The following FHL2 variants were observed in gnomAD, a reference collection of about 807,000 sequenced individuals.
FHL2 encodes the protein four and a half LIM domains protein 2.
In FHL2, 20 loss-of-function variants were observed where a neutral mutation model predicts 32.7. The ratio of observed to expected loss-of-function variants is 0.61; its 90% CI spans 0.43 to 0.89. The LOEUF (loss-of-function observed/expected upper bound fraction) is 0.89, where lower values mean the gene tolerates loss of function less well. Ranked by LOEUF, FHL2 falls within the 40% of genes least tolerant of loss-of-function variation. The pLI is 0.00. For missense variants in FHL2, 311 were observed against 358.6 expected, an observed-to-expected ratio of 0.87 and a Z score of 1.07; for synonymous variants, 123 against 128.1, an observed-to-expected ratio of 0.96 and a Z score of 0.27.
At position 105,373,594 on chromosome 2, in the gene FHL2, G is replaced by A; in HGVS notation, c.296C>T (p.Ser99Phe). 2 of 1,614,202 alleles carry A rather than the reference G, an allele frequency of 1.2e-6. No homozygotes were observed. Among genetic ancestry groups the A allele is most frequent in the Non-Finnish European group, 1.7e-6 (2 of 1,180,026 alleles). ...CTDCYSNEYS[S>F]KCQECKKTIM... is the part of the protein sequence containing the mutation. ...GGTCTTCTTGCATTCCTGGCACTTG[G>A]ATGAGTACTCGTTGGAATAGCAGTC... Residue 99 changes from serine (S) to phenylalanine (F), a missense_variant, in exon 4 of 7, where the codon TCC becomes TTC. Ser to Phe is a radical substitution (Grantham distance 155, BLOSUM62 -2). Coordinates refer to ENST00000530340, the MANE Select transcript of FHL2 (RefSeq NM_001318895.3).
chr2:105,375,986 T>C (rs969426802), intron 3 of FHL2: 2 of 152,202 alleles, frequency 1.3e-5, no homozygotes, highest in Admixed American at 1.3e-4. Flanking sequence ...TGTGAACTCA[T>C]GAGAAACAGC....
intron 3 of FHL2, chr2:105,378,716 T>C (rs1208547091): frequency 1.3e-5 from 2 of 153,134 alleles, no homozygotes; most frequent in Non-Finnish European, 2.9e-5. Context: ...TGAGTGAATA[T>C]GCGTGCAGCA....
At chr2:105,385,637 G>A (rs547696985) in intron 3 of FHL2, among the ~76,000 whole-genome samples, 13 of 152,276 alleles carry the variant, frequency 8.5e-5, no homozygotes, top group African/African-American at 2.9e-4. Context: ...AGCCGTTTGC[G>A]GGTGAAGGTA....
upstream of FHL2, among the ~76,000 whole-genome samples, chr2:105,402,241 G>A (rs1309859829): frequency 6.8e-6 from 1 of 147,082 alleles, no homozygotes; most frequent in African/African-American, 2.6e-5. Context: ...ATATATGTGT[G>A]TGTGTGTATA....
intron 1 of FHL2, among the ~76,000 whole-genome samples, chr2:105,426,793 GTGCAGA>G (rs1684281920): frequency 6.6e-6 from 1 of 152,226 alleles, no homozygotes; most frequent in Non-Finnish European, 1.5e-5. Context: ...TAGTGCTGGG[GTGCAGA>G]TGCTGCCGAG....
At chr2:105,400,006 G>C (rs779375236), upstream of FHL2, among the ~76,000 whole-genome samples, 2 of 152,154 alleles carry the variant, frequency 1.3e-5, no homozygotes, top group Non-Finnish European at 2.9e-5. Context: ...GATACTCTCC[G>C]TCTGGTAGGC....
At chr2:105,430,205 C>T (rs6735260) in intron 1 of FHL2, among the ~76,000 whole-genome samples, 37,741 of 152,082 alleles carry the variant, frequency 0.25, 4,935 homozygotes, top group Middle Eastern at 0.34. Context: ...GCTTAGCAAA[C>T]GACACCCCAA....
At chr2:105,404,059 T>A (rs559517356), upstream of FHL2, among the ~76,000 whole-genome samples, 4 of 152,336 alleles carry the variant, frequency 2.6e-5, no homozygotes, top group Admixed American at 2.0e-4. Flanking sequence ...AGTAGCCTCC[T>A]ACCCGGATGG....
At chr2:105,371,396 T>C (rs1286806308) in intron 4 of FHL2, among the ~76,000 whole-genome samples, 1 of 152,182 alleles carries the variant, frequency 6.6e-6, no homozygotes, top group Non-Finnish European at 1.5e-5. Context: ...AGACACACCC[T>C]GCCTGAGTTT....
chr2:105,388,216 G>A (rs776595720), intron 2 of FHL2, among the ~76,000 whole-genome samples: 18 of 152,086 alleles, frequency 1.2e-4, no homozygotes, highest in Admixed American at 4.6e-4. Flanking sequence ...TGTGACAAGA[G>A]TTTACCTGTA....
At chr2:105,389,440 T>C (rs1428701766) in intron 2 of FHL2, among the ~76,000 whole-genome samples, 1 of 152,198 alleles carries the variant, frequency 6.6e-6, no homozygotes, top group Non-Finnish European at 1.5e-5. Context: ...GGGTGTGATT[T>C]AGCTGTGGGA....
intron 1 of FHL2, among the ~76,000 whole-genome samples, chr2:105,410,905 G>A (rs1683769306): frequency 6.6e-6 from 1 of 152,184 alleles, no homozygotes; most frequent in African/African-American, 2.4e-5. Flanking sequence ...GTTATTTTAG[G>A]AAGCCAAGTG....
intron 2 of FHL2, among the ~76,000 whole-genome samples, chr2:105,386,834 G>A (rs1682360635): frequency 1.5e-5 from 2 of 134,820 alleles, no homozygotes. Flanking sequence ...GTGCGATCTC[G>A]GCTCACTGCA....
In FHL2 at chr2:105,378,180, A is replaced by G. The variant is rs571644831; in HGVS notation, c.157-4447T>C. 6.0e-4 allele frequency: 284 copies of G among 471,042 alleles called. 1 individual carries two copies. Among genetic ancestry groups the G allele is most frequent in the African/African-American group, 5.3e-3 (267 of 50,172 alleles). 29.2% of individuals were successfully genotyped at this position (471,042 alleles called of 1,614,324 possible). A position where few individuals can be genotyped will look rare whatever the true frequency, so the allele number is the denominator to read the frequency against. On this transcript the variant is annotated intron_variant, in intron 3 of 6. Coordinates refer to ENST00000530340, the MANE Select transcript of FHL2 (RefSeq NM_001318895.3). ...TGGGTCCAAGGCACTGCAGAATTCC[A>G]TTTTTCCTACAGTTAATATTTATGG... is the stretch of plus-strand genomic sequence containing the variant.
intron 1 of FHL2, chr2:105,438,315 A>T: frequency 1.0e-6 from 1 of 956,598 alleles, no homozygotes; most frequent in Non-Finnish European, 1.2e-6. Flanking sequence ...GCATGCAACA[A>T]GATGCCTACA....
chr2:105,422,513 G>A (rs1225425963), intron 1 of FHL2, among the ~76,000 whole-genome samples: 1 of 151,744 alleles, frequency 6.6e-6, no homozygotes, highest in African/African-American at 2.4e-5. Context: ...TTCATTATAG[G>A]ATTATAGCTC....
upstream of FHL2, among the ~76,000 whole-genome samples, chr2:105,400,981 A>G (rs753235542): frequency 9.2e-5 from 14 of 152,054 alleles, no homozygotes; most frequent in Non-Finnish European, 1.6e-4. Context: ...AACGATGCAC[A>G]AAGAAAAACA....
At chr2:105,397,878 T>G (rs1683246083) in intron 1 of FHL2, among the ~76,000 whole-genome samples, 1 of 49,968 alleles carries the variant, frequency 2.0e-5, no homozygotes, top group African/African-American at 6.3e-5. Flanking sequence ...TTTTTGTTTT[T>G]TTGTTTTTTG....
chr2:105,427,590 C>T (rs1573408186), intron 1 of FHL2, among the ~76,000 whole-genome samples: 1 of 152,154 alleles, frequency 6.6e-6, no homozygotes, highest in Non-Finnish European at 1.5e-5. Context: ...CCCTGACTTT[C>T]GAACAGAGGC....
Sources: gnomAD v4.1 joint callset for allele counts (sites outside exome capture counted in the v4.1 genomes callset) on GRCh38, gnomAD v4.1.1 for gene constraint, MANE v1.5 for transcripts, NCBI Gene and HGNC (gene_info 2026-07-23, HGNC 2026-07-21) for gene names.